The following CEP152 variants were observed in gnomAD, a reference collection of about 807,000 sequenced individuals.
The protein encoded by CEP152 is centrosomal protein of 152 kDa.
CEP152 carries 132 observed loss-of-function variants against 188.9 expected under a neutral mutation model. That is an observed-to-expected ratio of 0.70 (90% CI 0.61 to 0.81). The LOEUF is 0.81. Among genes scored for constraint, CEP152 ranks in the 30% least tolerant of loss-of-function variants. CEP152 has a pLI of 0.00. For synonymous variants in CEP152, 649 were observed against 666.6 expected (o/e 0.97, Z 0.41); for missense variants, 1,914 against 1,969.8 (o/e 0.97, Z 0.54).
intron 22 of CEP152, among the ~76,000 whole-genome samples, chr15:48,747,713 T>C (rs1893551605): frequency 6.6e-6 from 1 of 152,294 alleles, no homozygotes; most frequent in African/African-American, 2.4e-5. Context: ...ATCGGAAGCA[T>C]TTCAAATGTA....
intron 20 of CEP152, among the ~76,000 whole-genome samples, chr15:48,752,739 T>C (rs146097978): frequency 2.8e-4 from 43 of 152,270 alleles, no homozygotes; most frequent in Non-Finnish European, 4.7e-4. Flanking sequence ...GGTTTGCACA[T>C]TATATATGTG....
chr15:48,766,979 G>GA (rs1895156994), intron 17 of CEP152, 81 bp downstream of exon 17: 1 of 1,573,570 alleles, frequency 6.4e-7, no homozygotes, highest in Admixed American at 1.7e-5. Flanking sequence ...CACTTCTCTA[G>GA]AACAAATGTA....
intron 11 of CEP152, among the ~76,000 whole-genome samples, chr15:48,781,726 G>T (rs1896254745): frequency 6.6e-6 from 1 of 152,274 alleles, no homozygotes; most frequent in East Asian, 1.9e-4. Flanking sequence ...TTAGCCTGCC[G>T]GTGGTGAAAA....
rs544287477 is a variant in CEP152, at chr15:48,767,480, A to C, written c.2019-17T>G. On this transcript the variant is annotated splice_polypyrimidine_tract_variant and intron_variant, in intron 15 of 26. Transcript: ENST00000380950. ...CTTTCACACCTGGAAACAGAGCGGA[A>C]TCAAAGGCAATGCCCAGTCTCACTA... 1.2e-6 allele frequency: 2 copies of C among 1,614,024 alleles called. No homozygotes were observed. Among genetic ancestry groups the C allele is most frequent in the Admixed American group, 1.7e-5 (1 of 60,024 alleles).
chr15:48,782,719 A>G (rs1359004581), intron 10 of CEP152, among the ~76,000 whole-genome samples: 2 of 152,208 alleles, frequency 1.3e-5, no homozygotes, highest in African/African-American at 2.4e-5. Flanking sequence ...TAGAAACCTA[A>G]TATTTTAAAT....
Position 48,778,157 on chromosome 15 carries a change from G to C in CEP152, c.1577+3039C>G, listed in dbSNP as rs1034362401. Among the ~76,000 whole-genome samples the C allele has an allele frequency of 3.8e-4, 58 of 152,202 alleles. 1 individual carries two copies. The highest frequency in any genetic ancestry group is 3.6e-3 in the Admixed American group (55 of 15,284). On this transcript the variant is annotated intron_variant, in intron 12 of 26. Coordinates refer to ENST00000380950, the MANE Select transcript of CEP152 (RefSeq NM_001194998.2). ...GCAGATTTAGCTACTCAAATTCCAT[G>C]AATGTAAAATAGAACATTGAGGCTA...
intron 15 of CEP152, among the ~76,000 whole-genome samples, chr15:48,767,840 A>T (rs1316745497): frequency 1.3e-5 from 2 of 152,220 alleles, no homozygotes; most frequent in East Asian, 3.9e-4. Context: ...TCCCCAACTC[A>T]CAAGTAAGTT....
intron 13 of CEP152, among the ~76,000 whole-genome samples, 191 bp downstream of exon 13, chr15:48,772,296 A>C (rs773585862): frequency 1.7e-4 from 26 of 152,064 alleles, no homozygotes; most frequent in African/African-American, 2.4e-4. Context: ...CTGTGGTCCC[A>C]GCTACTCAGG....
chr15:48,734,794 A>G (rs1892543395), downstream of CEP152, among the ~76,000 whole-genome samples: 2 of 152,188 alleles, frequency 1.3e-5, no homozygotes, highest in Admixed American at 1.3e-4. Flanking sequence ...GATATTTTAA[A>G]ATAATAAAGG....
intron 2 of CEP152, among the ~76,000 whole-genome samples, chr15:48,729,995 GC>G (rs200251577): frequency 2.0e-5 from 3 of 150,486 alleles, no homozygotes; most frequent in East Asian, 1.9e-4. Flanking sequence ...CTCCCCACCG[GC>G]CCCCCCCAAA....
intron 1 of CEP152, among the ~76,000 whole-genome samples, chr15:48,807,657 G>T (rs1898073326): frequency 6.6e-6 from 1 of 151,576 alleles, no homozygotes; most frequent in African/African-American, 2.4e-5. Context: ...TCTGAATTCT[G>T]TGTCTTCTAC....
intron 18 of CEP152, among the ~76,000 whole-genome samples, chr15:48,762,065 A>G (rs1001945889): frequency 6.6e-6 from 1 of 152,250 alleles, no homozygotes; most frequent in African/African-American, 2.4e-5. Flanking sequence ...CTAAAAAATT[A>G]GATATGAAAG....
At chr15:48,776,769 TG>T (rs1207241951) in intron 12 of CEP152, among the ~76,000 whole-genome samples, 1 of 152,100 alleles carries the variant, frequency 6.6e-6, no homozygotes, top group African/African-American at 2.4e-5. Context: ...AAACAGGTGA[TG>T]TGGAAGTTTT....
intron 2 of CEP152, among the ~76,000 whole-genome samples, chr15:48,732,288 G>A (rs1892446968): frequency 6.6e-6 from 1 of 152,110 alleles, no homozygotes; most frequent in Admixed American, 6.6e-5. Context: ...CAACTCAAAT[G>A]CCCATTAATG....
chr15:48,772,577 C>T lies in CEP152; in HGVS notation c.1692G>A (p.Val564=), dbSNP rs758194115. 2 of 1,614,008 alleles carry T rather than the reference C, an allele frequency of 1.2e-6. No homozygotes were observed. Among genetic ancestry groups the T allele is most frequent in the Non-Finnish European group, 1.7e-6 (2 of 1,179,940 alleles). The change falls in exon 13 of 27, where the codon GTG becomes GTA. Residue 564 remains valine, a synonymous_variant. Coordinates refer to ENST00000380950, the MANE Select transcript of CEP152 (RefSeq NM_001194998.2). ...LGSNSMKRHL[V]SQLQNDLKDC... ...CTTTGAGGTCATTTTGTAACTGAGA[C>T]ACCAGATGACGCTTCATTGAGTTGC...
chr15:48,758,193 A>G (rs1410772525), intron 19 of CEP152, among the ~76,000 whole-genome samples: 2 of 152,146 alleles, frequency 1.3e-5, no homozygotes, highest in Non-Finnish European at 2.9e-5. Context: ...CAACTTAACT[A>G]CTTCTGAATT....
At chr15:48,768,895 T>C (rs1895319123) in intron 14 of CEP152, 61 bp downstream of exon 14, 5 of 1,259,264 alleles carry the variant, frequency 4.0e-6, no homozygotes, top group Admixed American at 4.3e-5. Context: ...CTCTATTATA[T>C]CCTTTGTATT....
intron 9 of CEP152, 27 bp from the exon 10 acceptor site, chr15:48,784,147 C>G: frequency 6.2e-7 from 1 of 1,602,038 alleles, no homozygotes; most frequent in Non-Finnish European, 8.5e-7. Context: ...TTCAGGAAGT[C>G]ATTTTCATAA....
intron 17 of CEP152, among the ~76,000 whole-genome samples, 176 bp from the exon 18 acceptor site, chr15:48,762,848 T>C (rs1044955446): frequency 2.6e-5 from 4 of 152,206 alleles, no homozygotes; most frequent in Non-Finnish European, 4.4e-5. Flanking sequence ...CAAGTAAAAC[T>C]TGAAAGTTAC....
Sources: allele counts gnomAD v4.1 joint callset (sites outside exome capture counted in the v4.1 genomes callset), GRCh38; gene constraint gnomAD v4.1.1; transcripts MANE v1.5; gene names NCBI Gene and HGNC (gene_info 2026-07-23, HGNC 2026-07-21).